The following CTIF variants were observed in gnomAD, a reference collection of about 807,000 sequenced individuals.
CTIF encodes CBP80/20-dependent translation initiation factor.
In CTIF, 21 loss-of-function variants were observed where a neutral mutation model predicts 66.0. The ratio of observed to expected loss-of-function variants is 0.32; its 90% CI spans 0.23 to 0.46. The LOEUF is 0.46. Ranked by LOEUF, CTIF falls within the 20% of genes least tolerant of loss-of-function variation. CTIF has a pLI of 1.00. For synonymous variants in CTIF, 345 were observed against 326.4 expected (o/e 1.06, Z -0.62); for missense variants, 739 against 812.7 (o/e 0.91, Z 1.10).
At chr18:48,549,751 C>T (rs1245472627) in intron 1 of CTIF, among the ~76,000 whole-genome samples, 4 of 152,168 alleles carry the variant, frequency 2.6e-5, no homozygotes, top group Admixed American at 6.5e-5. Context: ...CGGGTCAGTA[C>T]CCATGCCTCC....
chr18:48,706,296 G>A (rs1442620745), intron 6 of CTIF, among the ~76,000 whole-genome samples: 1 of 152,192 alleles, frequency 6.6e-6, no homozygotes, highest in East Asian at 1.9e-4. Context: ...CACAGTGCCT[G>A]AAACAACAAT....
intron 1 of CTIF, among the ~76,000 whole-genome samples, chr18:48,562,174 C>T (rs1335359906): frequency 2.0e-5 from 3 of 152,260 alleles, no homozygotes; most frequent in Non-Finnish European, 4.4e-5. Flanking sequence ...CAGCACTTGG[C>T]ATGTGCCTGG....
rs201846069 is a variant in CTIF, at chr18:48,670,780, C to T, written c.507+36C>T. 5.6e-5 allele frequency: 88 copies of T among 1,563,942 alleles called. 1 individual carries two copies. The African/African-American group carries it at 1.0e-3, about 18-fold the overall frequency. ...GGGCAGGCTCTCTAACAGCCCACCCCCACCCCTGGAGTCCTGATCCTCTTC... is the reference window on the plus strand; with the variant it reads ...GGGCAGGCTCTCTAACAGCCCACCCTCACCCCTGGAGTCCTGATCCTCTTC... On this transcript the variant is annotated intron_variant, in intron 6 of 11. Coordinates refer to ENST00000256413, the MANE Select transcript of CTIF (RefSeq NM_014772.3).
intron 7 of CTIF, among the ~76,000 whole-genome samples, chr18:48,713,585 G>A (rs1391052524): frequency 2.0e-5 from 3 of 152,124 alleles, no homozygotes; most frequent in Non-Finnish European, 4.4e-5. Context: ...GGATGTGGAC[G>A]GGCCAGGGTC....
rs2069410786 is a variant in CTIF, at chr18:48,859,523, G to A, written c.1761G>A (p.Gln587=). Residue 587 remains glutamine (Q), a synonymous_variant, in exon 12 of 12, where the codon CAG becomes CAA. Coordinates refer to ENST00000256413, the MANE Select transcript of CTIF (RefSeq NM_014772.3). ...SWNPLTPPIT[Q]YYNRTIQKLT... is the part of the protein sequence containing the mutation. Reference sequence around the variant, plus strand: ...ACCCTCTGACGCCCCCCATCACGCAGTACTACAACAGAACCATCCAGAAAC... The same window carrying A: ...ACCCTCTGACGCCCCCCATCACGCAATACTACAACAGAACCATCCAGAAAC... 2 of 1,614,026 alleles carry A rather than the reference G, an allele frequency of 1.2e-6. No homozygotes were observed. The highest frequency in any genetic ancestry group is 1.7e-5 in the Admixed American group (1 of 60,012).
intron 1 of CTIF, among the ~76,000 whole-genome samples, chr18:48,562,995 G>A (rs1227872076): frequency 1.3e-5 from 2 of 152,214 alleles, no homozygotes; most frequent in Non-Finnish European, 1.5e-5. Context: ...GGAGATTCAC[G>A]CTGAATGTCA....
Position 48,730,376 on chromosome 18 carries a change from GTGAGGGGCTCCTGCT to G in CTIF, c.584+18682_584+18696del, listed in dbSNP as rs1331621361. On this transcript the variant is annotated intron_variant, in intron 7 of 11. Transcript: ENST00000256413. ...CTGCTGTGTGAGGGGCCCCTGCGGT[GTGAGGGGCTCCTGCT>G]GTGTGAGGGGCTTCCACGGTGTGTG... Among the ~76,000 whole-genome samples, 69 of 145,922 alleles carry G rather than the reference GTGAGGGGCTCCTGCT, an allele frequency of 4.7e-4. 1 individual carries two copies. Among genetic ancestry groups the G allele is most frequent in the African/African-American group, 1.6e-3 (64 of 39,530 alleles).
At chr18:48,832,966 C>T (rs1438500502) in intron 10 of CTIF, among the ~76,000 whole-genome samples, 1 of 152,176 alleles carries the variant, frequency 6.6e-6, no homozygotes, top group African/African-American at 2.4e-5. Flanking sequence ...ATGAATTAGT[C>T]TGCCGCTTTT....
intron 1 of CTIF, among the ~76,000 whole-genome samples, chr18:48,553,456 G>A (rs926451416): frequency 7.2e-5 from 11 of 152,178 alleles, no homozygotes; most frequent in Non-Finnish European, 2.9e-5. Context: ...TGAGGAGCGG[G>A]TGATGGGGTA....
At chr18:48,730,440 C>CA in intron 7 of CTIF, among the ~76,000 whole-genome samples, 1 of 126,528 alleles carries the variant, frequency 7.9e-6, no homozygotes, top group African/African-American at 2.9e-5. Flanking sequence ...GTGAGGGGCC[C>CA]CTGTGGTGTG....
intron 2 of CTIF, among the ~76,000 whole-genome samples, chr18:48,626,606 AAGTG>A (rs1390603419): frequency 6.6e-6 from 1 of 150,630 alleles, no homozygotes; most frequent in Non-Finnish European, 1.5e-5. Flanking sequence ...TGGCCTCCCA[AAGTG>A]CTGGGATTAC....
chr18:48,565,306 G>C (rs1029194042), intron 1 of CTIF: 1 of 152,128 alleles, frequency 6.6e-6, no homozygotes, highest in Non-Finnish European at 1.5e-5. Flanking sequence ...GCTGTCAAGG[G>C]CCTTGCCTTC....
rs1340269017 is a variant in CTIF at position 48,831,594 on chromosome 18, A to T, written c.1527+14218A>T. Among the ~76,000 whole-genome samples the T allele has an allele frequency of 2.6e-5, 4 of 152,234 alleles. No individual in the cohort carries two copies. The East Asian group carries it at 7.7e-4, about 29-fold the overall frequency. ...AGGACACCCACAGTCACAGACCTTG[A>T]AGATGACGGAAACCTTGACAATTAC... On this transcript the variant is annotated intron_variant, in intron 10 of 11. Transcript: ENST00000256413.
At chr18:48,724,735 C>T (rs2092371239) in intron 7 of CTIF, among the ~76,000 whole-genome samples, 1 of 152,222 alleles carries the variant, frequency 6.6e-6, no homozygotes, top group Non-Finnish European at 1.5e-5. Context: ...TAGGGAAGGG[C>T]AGAGGGCCGG....
intron 9 of CTIF, among the ~76,000 whole-genome samples, chr18:48,804,912 T>A (rs1035261548): frequency 1.3e-5 from 2 of 152,132 alleles, no homozygotes; most frequent in Non-Finnish European, 2.9e-5. Flanking sequence ...CTCATCCTCA[T>A]CCCCAGGGCC....
At chr18:48,557,083 A>T (rs763542894) in intron 1 of CTIF, among the ~76,000 whole-genome samples, 2 of 152,144 alleles carry the variant, frequency 1.3e-5, no homozygotes, top group African/African-American at 2.4e-5. Context: ...AGAAGAGTCC[A>T]GCAGGGACTG....
At chr18:48,564,956 A>T (rs1010463127) in intron 1 of CTIF, 1 of 152,168 alleles carries the variant, frequency 6.6e-6, no homozygotes, top group Non-Finnish European at 1.5e-5. Flanking sequence ...TGAAAATATG[A>T]TGCCACCCTG....
At chr18:48,703,448 A>G (rs1180803751) in intron 6 of CTIF, among the ~76,000 whole-genome samples, 1 of 152,142 alleles carries the variant, frequency 6.6e-6, no homozygotes, top group Non-Finnish European at 1.5e-5. Flanking sequence ...AAAGACAAGC[A>G]TTTAGTGTAG....
intron 5 of CTIF, among the ~76,000 whole-genome samples, chr18:48,665,135 C>T (rs1317386323): frequency 1.3e-5 from 2 of 151,732 alleles, no homozygotes; most frequent in Non-Finnish European, 1.5e-5. Flanking sequence ...AGGATGGTCT[C>T]GATCTCCTGA....
Sources: gnomAD v4.1 joint callset for allele counts (sites outside exome capture counted in the v4.1 genomes callset) on GRCh38, gnomAD v4.1.1 for gene constraint, MANE v1.5 for transcripts, NCBI Gene and HGNC (gene_info 2026-07-23, HGNC 2026-07-21) for gene names.